USP46: variants seen among roughly 807,000 people sequenced by gnomAD.
The protein encoded by USP46 is ubiquitin carboxyl-terminal hydrolase 46.
A neutral mutation model predicts 44.4 loss-of-function variants in USP46; 12 were observed. The observed-to-expected ratio is 0.27, with a 90% CI of 0.17 to 0.44. The LOEUF (loss-of-function observed/expected upper bound fraction) is 0.44, where lower values mean the gene tolerates loss of function less well. USP46 is among the 20% of genes least tolerant of loss of function. The pLI is 1.00. For missense variants in USP46, 248 were observed against 444.8 expected (o/e 0.56, Z 3.98); for synonymous variants, 155 against 161.5 (o/e 0.96, Z 0.31).
intron 4 of USP46, among the ~76,000 whole-genome samples, chr4:52,618,811 C>T (rs1290923077): frequency 6.6e-6 from 1 of 152,204 alleles, no homozygotes; most frequent in Non-Finnish European, 1.5e-5. Context: ...CAGCCCTACT[C>T]CTATCTGCGA....
chr4:52,595,564 T>C lies in USP46; in HGVS notation c.*2076A>G, dbSNP rs1716198745. ...ATTAAAAGGAATTACTTCGATTAAA[T>C]AACTGGGAAAAACATTTTGCACAAC... On this transcript the variant is annotated 3_prime_UTR_variant, in exon 9 of 9. Transcript: ENST00000441222. The C allele has an allele frequency of 6.6e-6, 1 of 152,182 alleles. No homozygotes were observed. The highest frequency in any genetic ancestry group is 6.5e-5 in the Admixed American group (1 of 15,278). 9.4% of individuals were successfully genotyped at this position (152,182 alleles called of 1,614,324 possible).
chr4:52,630,124 G>A (rs1415537518), intron 2 of USP46, among the ~76,000 whole-genome samples: 2 of 152,184 alleles, frequency 1.3e-5, no homozygotes, highest in African/African-American at 4.8e-5. Flanking sequence ...AGGATCAAGT[G>A]AAGAAGAAAG....
At chr4:52,613,129 T>G (rs1415463975) in intron 4 of USP46, among the ~76,000 whole-genome samples, 1 of 152,186 alleles carries the variant, frequency 6.6e-6, no homozygotes, top group African/African-American at 2.4e-5. Flanking sequence ...CATGGTTTCA[T>G]GGCCTTTAGC....
Position 52,592,617 on chromosome 4 carries a change from G to C in USP46, c.*5023C>G, listed in dbSNP as rs1328824584. On this transcript the variant is annotated 3_prime_UTR_variant, in exon 9 of 9. Transcript: ENST00000441222. Reference sequence around the variant, plus strand: ...AATCCCAGCACTTTGGGAGGCTGAGGCACCTGAAGTCAGGAGTTCCAGACC... The same window carrying C: ...AATCCCAGCACTTTGGGAGGCTGAGCCACCTGAAGTCAGGAGTTCCAGACC... The C allele has an allele frequency of 3.1e-6, 1 of 320,946 alleles. No individual in the cohort carries two copies. Among genetic ancestry groups the C allele is most frequent in the Non-Finnish European group, 5.6e-6 (1 of 178,062 alleles). 19.9% of individuals were successfully genotyped at this position (320,946 alleles called of 1,614,324 possible).
chr4:52,643,676 G>C (rs1413264279), intron 1 of USP46, among the ~76,000 whole-genome samples: 1 of 152,220 alleles, frequency 6.6e-6, no homozygotes, highest in Non-Finnish European at 1.5e-5. Flanking sequence ...AACTTGGGAA[G>C]CAGGGGAAAA....
intron 1 of USP46, chr4:52,656,337 T>G (rs1718945457): frequency 6.5e-7 from 1 of 1,543,100 alleles, no homozygotes; most frequent in Non-Finnish European, 8.7e-7. Flanking sequence ...TAAAGAGAGG[T>G]CCAGTTAATA....
rs772802080 is a variant in USP46 at position 52,598,663 on chromosome 4, C to G, written c.964G>C (p.Gly322Arg). ...GHYITIVKSH[G>R]FWLLFDDDIV... is the part of the protein sequence containing the mutation. Reference sequence around the variant, plus strand: ...TCATCATCAAACAAAAGCCAGAAGCCGTGACTTTTCACAATAGTGATATAA... The same window carrying G: ...TCATCATCAAACAAAAGCCAGAAGCGGTGACTTTTCACAATAGTGATATAA... The change falls in exon 8 of 9, where the codon GGC (glycine) becomes CGC (arginine). Residue 322 changes from glycine to arginine, a missense_variant. Around this residue, in one of 5 missense-constraint regions of USP46, gnomAD observed 98 missense variants for 218.2 expected, o/e 0.45. Transcript: ENST00000441222. The G allele has an allele frequency of 6.2e-7, 1 of 1,610,544 alleles. No individual in the cohort carries two copies. Among genetic ancestry groups the G allele is most frequent in the Non-Finnish European group, 8.5e-7 (1 of 1,178,650 alleles).
At chr4:52,634,360 T>C (rs1718027244) in intron 1 of USP46, among the ~76,000 whole-genome samples, 1 of 148,542 alleles carries the variant, frequency 6.7e-6, no homozygotes, top group Admixed American at 6.7e-5. Flanking sequence ...AATACAAAAA[T>C]TGACCGGTTG....
At chr4:52,607,940 G>A (rs906551030) in intron 5 of USP46, among the ~76,000 whole-genome samples, 5 of 152,096 alleles carry the variant, frequency 3.3e-5, no homozygotes, top group Non-Finnish European at 5.9e-5. Context: ...ACCCAATCTC[G>A]GGTATTTATT....
chr4:52,650,633 A>T (rs957773652), intron 1 of USP46, among the ~76,000 whole-genome samples: 1 of 152,214 alleles, frequency 6.6e-6, no homozygotes, highest in Admixed American at 6.5e-5. Context: ...GTAGGTAAAC[A>T]TATATAACAT....
rs964481354 is a variant in USP46, at chr4:52,596,459, TTC to T, written c.*1179_*1180del. On this transcript the variant is annotated 3_prime_UTR_variant, in exon 9 of 9. Transcript: ENST00000441222. ...GTGAGATGAGGTTCTTCCAAAAAAA[TTC>T]TGTCTTGTCAAGCATTCTAGGAGTC... is the stretch of plus-strand genomic sequence containing the variant. 1.3e-5 allele frequency: 2 copies of T among 152,146 alleles called. No individual in the cohort carries two copies. Among genetic ancestry groups the T allele is most frequent in the Non-Finnish European group, 2.9e-5 (2 of 68,020 alleles). 9.4% of individuals were successfully genotyped at this position (152,146 alleles called of 1,614,324 possible). A position where few individuals can be genotyped will look rare whatever the true frequency, so the allele number is the denominator to read the frequency against.
chr4:52,644,737 TA>T (rs781627890), intron 1 of USP46, among the ~76,000 whole-genome samples: 24,908 of 108,402 alleles, frequency 0.23, 2,586 homozygotes, highest in African/African-American at 0.36. Flanking sequence ...GATATTGAAT[TA>T]AAAAAAAAAA....
rs1717675036 is a variant in USP46, at chr4:52,628,282, G to A, written c.118-119C>T. 3.3e-6 allele frequency: 3 copies of A among 902,644 alleles called. No homozygotes were observed. In the South Asian group the frequency reaches 5.2e-5, roughly 16 times the overall value. 55.9% of individuals were successfully genotyped at this position (902,644 alleles called of 1,614,324 possible). Reference sequence around the variant, plus strand: ...AACTGGCCTGGATGTCCCTGTATTGGAGTCCAGCTCACCATATTAGAAAAC... The same window carrying A: ...AACTGGCCTGGATGTCCCTGTATTGAAGTCCAGCTCACCATATTAGAAAAC... On this transcript the variant is annotated intron_variant, in intron 2 of 8. Transcript: ENST00000441222.
At position 52,659,225 on chromosome 4, in the gene USP46, G is replaced by GGCGGGGAGGCCGGGCGGCA; in HGVS notation, c.-94_-76dup. ...CCGGGACTGCCCATGGTGGCGCGCT[G>GGCGGGGAGGCCGGGCGGCA]GCGGGGAGGCCGGGCGGCAGCGCGG... On this transcript the variant is annotated 5_prime_UTR_variant, in exon 1 of 9. Coordinates refer to ENST00000441222, the MANE Select transcript of USP46 (RefSeq NM_022832.4). This position sits in a 1 kb window ranked among gnomAD's most constrained non-coding sequence, Gnocchi z 4.2. 1 of 1,447,882 alleles carries GGCGGGGAGGCCGGGCGGCA rather than the reference G, an allele frequency of 6.9e-7. No individual in the cohort carries two copies. The highest frequency in any genetic ancestry group is 9.2e-7 in the Non-Finnish European group (1 of 1,091,438). 89.7% of individuals were successfully genotyped at this position (1,447,882 alleles called of 1,614,324 possible). A position where few individuals can be genotyped will look rare whatever the true frequency, so the allele number is the denominator to read the frequency against.
chr4:52,593,296 G>T lies in USP46; in HGVS notation c.*4344C>A, dbSNP rs953074949. On this transcript the variant is annotated 3_prime_UTR_variant, in exon 9 of 9. Transcript: ENST00000441222. ...GTGAGGCCTAGGAAAGAAAAACACAGTCCCAAGAAGGTCTTCTCTGCCTTT... is the reference window on the plus strand; with the variant it reads ...GTGAGGCCTAGGAAAGAAAAACACATTCCCAAGAAGGTCTTCTCTGCCTTT... 1.0e-5 allele frequency: 2 copies of T among 192,276 alleles called. No homozygotes were observed. Among genetic ancestry groups the T allele is most frequent in the Admixed American group, 1.2e-4 (2 of 16,452 alleles). 11.9% of individuals were successfully genotyped at this position (192,276 alleles called of 1,614,324 possible). A position where few individuals can be genotyped will look rare whatever the true frequency, so the allele number is the denominator to read the frequency against.
intron 1 of USP46, among the ~76,000 whole-genome samples, chr4:52,645,340 T>A (rs549756065): frequency 6.6e-6 from 1 of 151,378 alleles, no homozygotes; most frequent in East Asian, 2.0e-4. Flanking sequence ...TACATGACCA[T>A]CCCAAGTCAT....
At chr4:52,629,648 C>T (rs1185995988) in intron 2 of USP46, 3 of 456,124 alleles carry the variant, frequency 6.6e-6, no homozygotes, top group Non-Finnish European at 1.3e-5. Flanking sequence ...CCCCAGACAC[C>T]CTTCAGTAAC....
chr4:52,625,997 A>G (rs768778347), intron 4 of USP46, 21 bp downstream of exon 4: 1 of 1,601,260 alleles, frequency 6.2e-7, no homozygotes, highest in East Asian at 2.2e-5. Flanking sequence ...CGAGCTACAT[A>G]AGAGCTCCCC....
At chr4:52,651,535 T>C (rs1718771525) in intron 1 of USP46, among the ~76,000 whole-genome samples, 1 of 152,188 alleles carries the variant, frequency 6.6e-6, no homozygotes, top group Non-Finnish European at 1.5e-5. Context: ...GAGAATACTT[T>C]CTAAATATTT....
Sources: gnomAD v4.1 joint callset for allele counts (sites outside exome capture counted in the v4.1 genomes callset) on GRCh38, gnomAD v4.1.1 for gene constraint, gnomAD v4.1.1 regional missense constraint, Gnocchi (gnomAD v3.1) non-coding constraint, MANE v1.5 for transcripts, NCBI Gene and HGNC (gene_info 2026-07-23, HGNC 2026-07-21) for gene names.